PACRG: variants seen among roughly 807,000 people sequenced by gnomAD.
PACRG encodes the protein parkin coregulated gene protein.
PACRG carries 29 observed loss-of-function variants against 29.7 expected under a neutral mutation model. The ratio of observed to expected loss-of-function variants is 0.98; its 90% confidence interval spans 0.73 to 1.33. The LOEUF is 1.33. Ranked by LOEUF, PACRG falls within the 40% of genes most tolerant of loss-of-function variation. The probability of loss-of-function intolerance (pLI) is 0.00; values close to 1 mark genes in which losing one functional copy is unlikely to be tolerated. For missense variants in PACRG, 279 were observed against 316.2 expected (o/e 0.88, Z 0.89); for synonymous variants, 116 against 118.7 (o/e 0.98, Z 0.15).
At chr6:162,874,147 A>AT (rs1165938489) in intron 2 of PACRG, among the ~76,000 whole-genome samples, 45 of 109,750 alleles carry the variant, frequency 4.1e-4, no homozygotes, top group East Asian at 1.3e-3. Context: ...GTTAAAAAAA[A>AT]AAAAATATAT....
chr6:162,756,285 C>T (rs66923841), intron 1 of PACRG, among the ~76,000 whole-genome samples: 13,312 of 152,016 alleles, frequency 0.088, 705 homozygotes, highest in Middle Eastern at 0.17. Flanking sequence ...CTTTCTTTTC[C>T]GATTATTTAA....
chr6:163,261,314 A>G (rs1466749113), intron 4 of PACRG, among the ~76,000 whole-genome samples: 1 of 152,094 alleles, frequency 6.6e-6, no homozygotes. Context: ...TTACATAGGT[A>G]GACATGTGCC....
intron 3 of PACRG, among the ~76,000 whole-genome samples, chr6:163,076,088 A>G (rs1407513858): frequency 6.6e-6 from 1 of 152,210 alleles, no homozygotes; most frequent in African/African-American, 2.4e-5. Flanking sequence ...CTACAAGGGC[A>G]TTATGAATAC....
intron 2 of PACRG, among the ~76,000 whole-genome samples, chr6:162,939,781 G>A (rs564951098): frequency 9.2e-5 from 14 of 151,870 alleles, no homozygotes; most frequent in African/African-American, 2.9e-4. Flanking sequence ...TTGGTGCTGG[G>A]CTTTTATTTT....
At chr6:162,913,596 G>A (rs780424576) in intron 2 of PACRG, among the ~76,000 whole-genome samples, 23 of 152,098 alleles carry the variant, frequency 1.5e-4, no homozygotes, top group Non-Finnish European at 2.4e-4. Flanking sequence ...GCTGAGTTGC[G>A]TGGAAAGTGC....
chr6:162,778,310 A>G (rs1050891738), intron 1 of PACRG, among the ~76,000 whole-genome samples: 1 of 152,204 alleles, frequency 6.6e-6, no homozygotes, highest in African/African-American at 2.4e-5. Flanking sequence ...CCTGTTTTAA[A>G]TACAAGATCT....
intron 4 of PACRG, among the ~76,000 whole-genome samples, chr6:163,115,595 A>G (rs562193440): frequency 7.3e-6 from 1 of 136,612 alleles, no homozygotes; most frequent in Non-Finnish European, 1.5e-5. Flanking sequence ...ACAGGGCCAA[A>G]CCTGAAGGAT....
chr6:163,306,834 A>G (rs1785212068), intron 4 of PACRG, among the ~76,000 whole-genome samples: 1 of 152,220 alleles, frequency 6.6e-6, no homozygotes, highest in Non-Finnish European at 1.5e-5. Context: ...TGCTTATTCC[A>G]AAGTTACATT....
At chr6:162,855,275 T>C (rs1379609471) in intron 2 of PACRG, among the ~76,000 whole-genome samples, 2 of 152,170 alleles carry the variant, frequency 1.3e-5, no homozygotes, top group Non-Finnish European at 2.9e-5. Context: ...AAGAACACAG[T>C]ACATGATGAT....
intron 2 of PACRG, among the ~76,000 whole-genome samples, chr6:162,916,717 C>G (rs1796718347): frequency 6.6e-6 from 1 of 152,124 alleles, no homozygotes; most frequent in African/African-American, 2.4e-5. Context: ...ACTCCAGATG[C>G]TATCTTCTCC....
intron 1 of PACRG, among the ~76,000 whole-genome samples, chr6:162,742,099 T>C (rs1473267609): frequency 6.6e-6 from 1 of 152,188 alleles, no homozygotes; most frequent in African/African-American, 2.4e-5. Flanking sequence ...TTCTACTCTT[T>C]GCTTCTGTGA....
intron 3 of PACRG, among the ~76,000 whole-genome samples, chr6:163,073,030 A>C (rs1812218154): frequency 1.3e-5 from 2 of 152,080 alleles, no homozygotes; most frequent in Admixed American, 1.3e-4. Context: ...ATACTACCCA[A>C]AGCAATCTAC....
At chr6:163,283,840 G>A (rs1421566926) in intron 4 of PACRG, among the ~76,000 whole-genome samples, 6 of 151,658 alleles carry the variant, frequency 4.0e-5, no homozygotes, top group African/African-American at 1.5e-4. Context: ...TAGGCCAGAT[G>A]CGGTGGCTCA....
intron 2 of PACRG, among the ~76,000 whole-genome samples, chr6:162,959,991 C>G (rs990048237): frequency 1.3e-5 from 2 of 152,098 alleles, no homozygotes; most frequent in African/African-American, 4.8e-5. Flanking sequence ...AAGCAGCCAA[C>G]AAACATATGA....
At chr6:163,224,266 G>A (rs530304732) in intron 4 of PACRG, among the ~76,000 whole-genome samples, 2 of 149,828 alleles carry the variant, frequency 1.3e-5, no homozygotes, top group African/African-American at 4.9e-5. Flanking sequence ...CTACTCAGGA[G>A]GCTAAGGCAG....
At chr6:162,738,374 G>T (rs918330100) in intron 1 of PACRG, among the ~76,000 whole-genome samples, 2 of 152,182 alleles carry the variant, frequency 1.3e-5, no homozygotes, top group African/African-American at 4.8e-5. Context: ...TGCTATCAGT[G>T]TACGTAAGAC....
chr6:162,880,570 A>G (rs1437772836), intron 2 of PACRG, among the ~76,000 whole-genome samples: 1 of 152,234 alleles, frequency 6.6e-6, no homozygotes, highest in Non-Finnish European at 1.5e-5. Context: ...GAACAAAAAT[A>G]GAAAAATATA....
chr6:162,865,250 T>G lies in PACRG; in HGVS notation c.291+50969T>G, dbSNP rs76214955. Among the ~76,000 whole-genome samples, 227 of 152,324 alleles carry G rather than the reference T, an allele frequency of 1.5e-3. 2 individuals are homozygous for G. The East Asian group carries it at 0.018, about 12-fold the overall frequency. On this transcript the variant is annotated intron_variant, in intron 2 of 4. Transcript: ENST00000366888. ...CTATTTGAGATATAAAATTGTGGGC[T>G]ATGTATGCAATCTGCCTTGGCTCCC...
intron 4 of PACRG, among the ~76,000 whole-genome samples, chr6:163,233,580 T>A (rs1261215667): frequency 6.6e-6 from 1 of 152,018 alleles, no homozygotes; most frequent in East Asian, 1.9e-4. Flanking sequence ...CATTTTAACA[T>A]CAAGATGGGA....
Sources: allele counts gnomAD v4.1 joint callset (sites outside exome capture counted in the v4.1 genomes callset), GRCh38; gene constraint gnomAD v4.1.1; transcripts MANE v1.5; gene names NCBI Gene and HGNC (gene_info 2026-07-23, HGNC 2026-07-21).